ZFYVE28: variants seen among roughly 807,000 people sequenced by gnomAD.
ZFYVE28 encodes the protein lateral signaling target protein 2 homolog.
Under a neutral mutation model 82.1 loss-of-function variants are expected in ZFYVE28, and 40 were observed. The ratio of observed to expected loss-of-function variants is 0.49; its 90% CI spans 0.38 to 0.63. ZFYVE28 has a LOEUF of 0.63. Ranked by LOEUF, ZFYVE28 falls within the 30% of genes least tolerant of loss-of-function variation. ZFYVE28 has a pLI of 0.00. For missense variants in ZFYVE28, 1,321 were observed against 1,242.1 expected, an observed-to-expected ratio of 1.06 and a Z score of -0.96; for synonymous variants, 612 against 546.1, an observed-to-expected ratio of 1.12 and a Z score of -1.68.
At chr4:2,379,031 T>G (rs1182693630) in intron 1 of ZFYVE28, among the ~76,000 whole-genome samples, 2 of 152,096 alleles carry the variant, frequency 1.3e-5, no homozygotes, top group Non-Finnish European at 2.9e-5. Context: ...GGTGAGCCAC[T>G]GGGAAGGTGT....
intron 8 of ZFYVE28, among the ~76,000 whole-genome samples, chr4:2,296,968 G>C (rs986399225): frequency 6.6e-6 from 1 of 152,238 alleles, no homozygotes; most frequent in Non-Finnish European, 1.5e-5. Flanking sequence ...TGACTGCGCT[G>C]CAGGGAGGGA....
intron 1 of ZFYVE28, among the ~76,000 whole-genome samples, chr4:2,356,298 C>T (rs907539278): frequency 3.9e-5 from 6 of 152,208 alleles, no homozygotes; most frequent in African/African-American, 1.4e-4. Context: ...GCTGACGGAG[C>T]CTCTGCACCC....
chr4:2,365,388 G>A (rs1296734244), intron 1 of ZFYVE28, among the ~76,000 whole-genome samples: 1 of 152,032 alleles, frequency 6.6e-6, no homozygotes, highest in Non-Finnish European at 1.5e-5. Context: ...CTACCTGCAC[G>A]CAGCAGGGGC....
At chr4:2,381,511 A>G (rs990719320) in intron 1 of ZFYVE28, among the ~76,000 whole-genome samples, 36 of 152,114 alleles carry the variant, frequency 2.4e-4, no homozygotes, top group African/African-American at 8.4e-4. Context: ...GGTTCAAGCA[A>G]TTCTCCTGAC....
chr4:2,362,918 C>G lies in ZFYVE28; in HGVS notation c.40-8845G>C, dbSNP rs779336281. On this transcript the variant is annotated intron_variant, in intron 1 of 12. Coordinates refer to ENST00000290974, the MANE Select transcript of ZFYVE28 (RefSeq NM_020972.3). The surrounding 1 kb of genome is among the most constrained non-coding windows in gnomAD (Gnocchi z 5.1). ...CCTGCGGACCCCACCCACCCCTGCT[C>G]TCTCTCAGGACTCGGTACTGGCCCT... Among the ~76,000 whole-genome samples, 4 of 152,132 alleles carry G rather than the reference C, an allele frequency of 2.6e-5. No homozygotes were observed. The highest frequency in any genetic ancestry group is 5.9e-5 in the Non-Finnish European group (4 of 68,006).
At position 2,300,612 on chromosome 4, in the gene ZFYVE28, G is replaced by A. The variant is rs931448576; in HGVS notation, c.2051+3677C>T. On this transcript the variant is annotated intron_variant, in intron 8 of 12. Transcript: ENST00000290974. The surrounding 1 kb of genome is among the most constrained non-coding windows in gnomAD (Gnocchi z 4.6). The stretch of plus-strand genomic sequence containing the variant: ...GCCAACCCACCTCCTGCGTGCATCC[G>A]TCCCCTGGCTGGTGGCTGGGAAGCC... 2.6e-5 allele frequency among the ~76,000 whole-genome samples: 4 copies of A among 152,158 alleles called. No individual in the cohort carries two copies. The highest frequency in any genetic ancestry group is 2.9e-5 in the Non-Finnish European group (2 of 67,994).
At chr4:2,272,508 G>A (rs12506024) in intron 10 of ZFYVE28, among the ~76,000 whole-genome samples, 70,575 of 152,154 alleles carry the variant, frequency 0.46, 17,419 homozygotes, top group Non-Finnish European at 0.53. Context: ...GAGTGGGAGC[G>A]TATGTGCACA....
chr4:2,400,030 C>T (rs527800996), intron 1 of ZFYVE28, among the ~76,000 whole-genome samples: 2 of 152,348 alleles, frequency 1.3e-5, no homozygotes, highest in East Asian at 3.9e-4. Flanking sequence ...AGCCCCACGG[C>T]CGCTTCAGAT....
At chr4:2,371,185 C>T (rs1033114872) in intron 1 of ZFYVE28, among the ~76,000 whole-genome samples, 2 of 152,164 alleles carry the variant, frequency 1.3e-5, no homozygotes, top group Non-Finnish European at 2.9e-5. Context: ...GGGGTGACCA[C>T]AGGAAAGGGC....
chr4:2,292,429 T>C (rs1023444928), intron 8 of ZFYVE28, among the ~76,000 whole-genome samples: 1 of 152,138 alleles, frequency 6.6e-6, no homozygotes, highest in Non-Finnish European at 1.5e-5. Flanking sequence ...ACAAGGGGTC[T>C]ACAAGCAGGT....
chr4:2,305,934 T>C (rs1410530279), intron 7 of ZFYVE28, among the ~76,000 whole-genome samples: 2 of 152,380 alleles, frequency 1.3e-5, no homozygotes, highest in Middle Eastern at 3.4e-3. Flanking sequence ...CATTGGGCAC[T>C]GGCTATGCAG....
intron 1 of ZFYVE28, among the ~76,000 whole-genome samples, chr4:2,385,955 C>T (rs973571554): frequency 7.2e-5 from 11 of 152,184 alleles, no homozygotes; most frequent in Non-Finnish European, 1.0e-4. Context: ...AGCACTGCAC[C>T]GGGCTCGCTC....
At position 2,354,070 on chromosome 4, in the gene ZFYVE28, A is replaced by G; in HGVS notation, c.43T>C (p.Ser15Pro). 1 of 1,555,764 alleles carries G rather than the reference A, an allele frequency of 6.4e-7. No individual in the cohort carries two copies. The highest frequency in any genetic ancestry group is 8.7e-7 in the Non-Finnish European group (1 of 1,150,438). The change falls in exon 2 of 13, where the codon TCG becomes CCG. Residue 15 changes from serine to proline, a missense_variant. By Grantham distance (74) the Ser-to-Pro change is moderately conservative (BLOSUM62 -1). Around this residue, in one of 2 missense-constraint regions of ZFYVE28, gnomAD observed 343 missense variants for 408.4 expected, o/e 0.84. Transcript: ENST00000290974. ...FRKWLYKPKR[S>P]DPQLLARFYY... Reference sequence around the variant, plus strand: ...AACCGGGCAAGCAGCTGCGGATCCGACCTCTGCAGGAGAGAGGGGCCAGGG... The same window carrying G: ...AACCGGGCAAGCAGCTGCGGATCCGGCCTCTGCAGGAGAGAGGGGCCAGGG...
At chr4:2,389,442 A>G (rs926725862) in intron 1 of ZFYVE28, among the ~76,000 whole-genome samples, 4 of 152,176 alleles carry the variant, frequency 2.6e-5, no homozygotes, top group African/African-American at 9.7e-5. Flanking sequence ...CCACATGAGG[A>G]GGCTCAGCCT....
intron 8 of ZFYVE28, among the ~76,000 whole-genome samples, chr4:2,291,761 C>G (rs1162250055): frequency 6.6e-6 from 1 of 152,216 alleles, no homozygotes; most frequent in Non-Finnish European, 1.5e-5. Context: ...GATGCCCATC[C>G]CACTCCCCAC....
chr4:2,271,748 C>T lies in ZFYVE28; in HGVS notation c.2355G>A (p.Glu785=). The T allele has an allele frequency of 6.2e-7, 1 of 1,613,828 alleles. No homozygotes were observed. Among genetic ancestry groups the T allele is most frequent in the Non-Finnish European group, 8.5e-7 (1 of 1,179,978 alleles). ...GGGTCTCCTGGCACAGTGCACAGTC[C>T]TCCAAGGCCGCACTCCGCAGAGTCT... ...VTQTLRSAAL[E]DCALCQETLS... is the part of the protein sequence containing the mutation. The change falls in exon 11 of 13, where the codon GAG becomes GAA. Residue 785 remains glutamate (E), a synonymous_variant. Coordinates refer to ENST00000290974, the MANE Select transcript of ZFYVE28 (RefSeq NM_020972.3).
chr4:2,354,294 GC>G (rs926443850), intron 1 of ZFYVE28, among the ~76,000 whole-genome samples: 4 of 152,082 alleles, frequency 2.6e-5, no homozygotes, highest in African/African-American at 9.7e-5. Context: ...GGTCCCCAGG[GC>G]CCCTGCATTT....
intron 7 of ZFYVE28, 144 bp from the exon 8 acceptor site, chr4:2,305,680 C>T: frequency 1.0e-6 from 1 of 1,001,954 alleles, no homozygotes; most frequent in Non-Finnish European, 1.5e-6. Context: ...TCTCAAGGCA[C>T]CAGCACGTCT....
chr4:2,413,196 A>G (rs1732698857), intron 1 of ZFYVE28, among the ~76,000 whole-genome samples: 1 of 152,196 alleles, frequency 6.6e-6, no homozygotes, highest in Non-Finnish European at 1.5e-5. Flanking sequence ...AACCTCAGCA[A>G]AGCGCAGGAA....
Sources: allele counts gnomAD v4.1 joint callset (sites outside exome capture counted in the v4.1 genomes callset), GRCh38; gene constraint gnomAD v4.1.1; regional missense constraint gnomAD v4.1.1; non-coding constraint Gnocchi (gnomAD v3.1); transcripts MANE v1.5; gene names NCBI Gene and HGNC (gene_info 2026-07-23, HGNC 2026-07-21).